The following GPNMB variants were observed in gnomAD, a reference collection of about 807,000 sequenced individuals.
The protein encoded by GPNMB is glycoprotein nmb, also known as transmembrane glycoprotein NMB.
A neutral mutation model predicts 57.3 loss-of-function variants in GPNMB; 71 were observed. That is an observed-to-expected ratio of 1.24 (90% CI 1.02 to 1.51). GPNMB has a LOEUF of 1.51. GPNMB is among the 40% of genes most tolerant of loss of function. GPNMB has a pLI of 0.00. For missense variants in GPNMB, 677 were observed against 691.9 expected (o/e 0.98, Z 0.24); for synonymous variants, 253 against 263.2 (o/e 0.96, Z 0.38).
intron 1 of GPNMB, 155 bp downstream of exon 1, chr7:23,247,082 G>C: frequency 1.5e-6 from 1 of 656,524 alleles, no homozygotes; most frequent in Non-Finnish European, 2.8e-6. Context: ...CTGTTGGGAA[G>C]GCTGAAACTA....
At chr7:23,256,864 C>T in intron 3 of GPNMB, 28 bp from the exon 4 acceptor site, 1 of 1,601,112 alleles carries the variant, frequency 6.2e-7, no homozygotes, top group South Asian at 1.1e-5. Context: ...CTAGATAACA[C>T]TCATGGCTGG....
intron 6 of GPNMB, among the ~76,000 whole-genome samples, chr7:23,262,330 T>C (rs1305172072): frequency 1.3e-5 from 2 of 152,136 alleles, no homozygotes; most frequent in East Asian, 3.8e-4. Context: ...CTCCCAAGAG[T>C]TAAACCCTGT....
rs886894610 is a variant in GPNMB, at chr7:23,266,518, A to T, written c.1020A>T (p.Gly340=). 2.5e-6 allele frequency: 4 copies of T among 1,612,852 alleles called. No individual in the cohort carries two copies. The highest frequency in any genetic ancestry group is 3.3e-5 in the Admixed American group (2 of 59,984). ...PRPSKPTPSL[G]PAGDNPLELS... ...AATCTTATGATTCAAACACCCCAGG[A>T]CCTGCTGGTGACAACCCCCTGGAGC... The change falls in exon 7 of 11, where the codon GGA becomes GGT. Residue 340 remains glycine (G), a splice_region_variant and synonymous_variant. Transcript: ENST00000258733.
intron 3 of GPNMB, 86 bp from the exon 4 acceptor site, chr7:23,256,806 C>G: frequency 1.8e-6 from 2 of 1,094,210 alleles, no homozygotes; most frequent in South Asian, 2.9e-5. Context: ...GAAAAAAATA[C>G]GAAAAAGTGT....
rs111477784 is a variant in GPNMB, at chr7:23,259,901, GTAGC to G, written c.542-75_542-72del. 8,259 of 1,339,452 alleles carry G rather than the reference GTAGC, an allele frequency of 6.2e-3. 130 individuals are homozygous for G. Among genetic ancestry groups the G allele is most frequent in the African/African-American group, 0.057 (4,001 of 69,716 alleles). The allele number at this position is 1,339,452 out of a possible 1,614,324, so 83.0% of individuals were successfully genotyped here. Reference sequence around the variant, plus strand: ...TCCTCAGAGCAATCTATAAATGGTGGTAGCTAGTCTTTAAGGAACAGCTTCCTAT... The same window carrying G: ...TCCTCAGAGCAATCTATAAATGGTGGTAGTCTTTAAGGAACAGCTTCCTAT... On this transcript the variant is annotated intron_variant, in intron 4 of 10. Transcript: ENST00000258733.
At chr7:23,247,315 G>T in intron 1 of GPNMB, 1 of 235,460 alleles carries the variant, frequency 4.2e-6, no homozygotes, top group Non-Finnish European at 8.5e-6. Context: ...CACATGAAAT[G>T]GGGTCTCCAA....
At chr7:23,257,332 C>A in intron 4 of GPNMB, 1 of 588,082 alleles carries the variant, frequency 1.7e-6, no homozygotes, top group East Asian at 2.8e-5. Flanking sequence ...TAATTTTTTT[C>A]TACCTAAAAC....
Position 23,274,099 on chromosome 7 carries a change from C to A in GPNMB, c.1558C>A (p.Pro520Thr), listed in dbSNP as rs1436884479. 4 of 1,612,612 alleles carry A rather than the reference C, an allele frequency of 2.5e-6. No individual in the cohort carries two copies. Among genetic ancestry groups the A allele is most frequent in the Non-Finnish European group, 3.4e-6 (4 of 1,178,972 alleles). ...GGAATACAACCCAATAGAAAATAGT[C>A]CTGGGAATGTGGTCAGAAGCAAAGG... Reference protein sequence around the residue: ...HKEYNPIENSPGNVVRSKGLS... With the variant: ...HKEYNPIENSTGNVVRSKGLS... Residue 520 changes from proline (P) to threonine (T), a missense_variant, in exon 11 of 11, where the codon CCT becomes ACT. By Grantham distance (38) the Pro-to-Thr change is conservative. Coordinates refer to ENST00000258733, the MANE Select transcript of GPNMB (RefSeq NM_002510.3).
chr7:23,259,890 T>G (rs1408205403), intron 4 of GPNMB, 90 bp from the exon 5 acceptor site: 1 of 1,233,450 alleles, frequency 8.1e-7, no homozygotes, highest in Non-Finnish European at 1.2e-6. Flanking sequence ...CAGAGCAATC[T>G]ATAAATGGTG....
chr7:23,247,796 G>C (rs1782568438), intron 1 of GPNMB: 1 of 152,272 alleles, frequency 6.6e-6, no homozygotes, highest in Non-Finnish European at 1.5e-5. Flanking sequence ...TGCGACCCGG[G>C]AAAACGCCTA....
rs1458076147 is a variant in GPNMB, at chr7:23,273,549, C to T, written c.1458C>T (p.Asn486=). 1.2e-6 allele frequency: 2 copies of T among 1,613,686 alleles called. No individual in the cohort carries two copies. The highest frequency in any genetic ancestry group is 1.7e-6 in the Non-Finnish European group (2 of 1,179,556). ...RDPASPLRMA[N]SALISVGCLA... ...CAGCCTCGCCTTTAAGGATGGCAAA[C>T]AGTGCCCTGATCTCCGTTGGCTGCT... The change falls in exon 10 of 11, where the codon AAC becomes AAT. Residue 486 remains asparagine (N), a synonymous_variant. Transcript: ENST00000258733.
chr7:23,264,673 G>T (rs1256123683), intron 6 of GPNMB, among the ~76,000 whole-genome samples: 1 of 152,020 alleles, frequency 6.6e-6, no homozygotes, highest in Non-Finnish European at 1.5e-5. Context: ...CACCATGCCT[G>T]GCCTCCATAT....
intron 4 of GPNMB, 96 bp from the exon 5 acceptor site, chr7:23,259,884 G>A: frequency 1.7e-6 from 2 of 1,152,584 alleles, no homozygotes; most frequent in Non-Finnish European, 2.5e-6. Context: ...CCTCCTCAGA[G>A]CAATCTATAA....
chr7:23,253,965 C>A (rs1372642770), intron 2 of GPNMB, among the ~76,000 whole-genome samples: 1 of 152,154 alleles, frequency 6.6e-6, no homozygotes, highest in African/African-American at 2.4e-5. Context: ...TTAGAGAATT[C>A]TTAACTGGTC....
chr7:23,273,317 T>C (rs1783255693), intron 9 of GPNMB: 6 of 547,092 alleles, frequency 1.1e-5, no homozygotes, highest in Non-Finnish European at 1.9e-5. Flanking sequence ...TACCACAGTG[T>C]TCCAGACATG....
At chr7:23,264,564 A>G (rs1783013228) in intron 6 of GPNMB, among the ~76,000 whole-genome samples, 1 of 151,810 alleles carries the variant, frequency 6.6e-6, no homozygotes, top group South Asian at 2.1e-4. Context: ...TTTAATGGAG[A>G]CTAGGTTCCA....
At chr7:23,259,486 G>T (rs1339576745) in intron 4 of GPNMB, among the ~76,000 whole-genome samples, 3 of 152,182 alleles carry the variant, frequency 2.0e-5, no homozygotes, top group Non-Finnish European at 4.4e-5. Flanking sequence ...CCAGCCACTT[G>T]CTGTATTTTT....
chr7:23,268,028 C>A lies in GPNMB; in HGVS notation c.1220+40C>A, dbSNP rs778637813. Reference sequence around the variant, plus strand: ...TCCGACAGAGGCATGGGTGGGTCAACTGAGGACCTCAAGTCTGAACAAAGG... The same window carrying A: ...TCCGACAGAGGCATGGGTGGGTCAAATGAGGACCTCAAGTCTGAACAAAGG... On this transcript the variant is annotated intron_variant, in intron 8 of 10. Transcript: ENST00000258733. The A allele has an allele frequency of 2.6e-6, 3 of 1,145,558 alleles. No homozygotes were observed. The South Asian group carries it at 3.7e-5, about 14-fold the overall frequency. 71.0% of individuals were successfully genotyped at this position (1,145,558 alleles called of 1,614,324 possible).
intron 6 of GPNMB, among the ~76,000 whole-genome samples, chr7:23,265,269 T>C (rs1783030732): frequency 6.6e-6 from 1 of 152,242 alleles, no homozygotes; most frequent in Non-Finnish European, 1.5e-5. Context: ...TCTCCCAGCC[T>C]GCTTCACTCA....
Sources: gnomAD v4.1 joint callset for allele counts (sites outside exome capture counted in the v4.1 genomes callset) on GRCh38, gnomAD v4.1.1 for gene constraint, MANE v1.5 for transcripts, NCBI Gene and HGNC (gene_info 2026-07-23, HGNC 2026-07-21) for gene names.